Variants in NIPSNAP1 observed in about 807,000 individuals in gnomAD.
The protein encoded by NIPSNAP1 is protein NipSnap homolog 1.
A neutral mutation model predicts 49.2 loss-of-function variants in NIPSNAP1; 25 were observed. That is an observed-to-expected ratio of 0.51 (90% confidence interval 0.37 to 0.71). NIPSNAP1 has a LOEUF of 0.71. Ranked by LOEUF, NIPSNAP1 falls within the 30% of genes least tolerant of loss-of-function variation. The probability of loss-of-function intolerance (pLI) is 0.00; values close to 1 mark genes in which losing one functional copy is unlikely to be tolerated. For missense variants in NIPSNAP1, 294 were observed against 361.0 expected, an observed-to-expected ratio of 0.81 and a Z score of 1.50; for synonymous variants, 143 against 140.7, an observed-to-expected ratio of 1.02 and a Z score of -0.12.
At chr22:29,579,542 G>T (rs1326740466) in intron 1 of NIPSNAP1, among the ~76,000 whole-genome samples, 2 of 151,912 alleles carry the variant, frequency 1.3e-5, no homozygotes, top group South Asian at 4.2e-4. Context: ...GTGATCCACC[G>T]CCTCGGCCTC....
chr22:29,561,527 C>G lies in NIPSNAP1; in HGVS notation c.558G>C (p.Glu186Asp). 6.2e-7 allele frequency: 1 copy of G among 1,614,102 alleles called. No homozygotes were observed. Among genetic ancestry groups the G allele is most frequent in the Non-Finnish European group, 8.5e-7 (1 of 1,180,014 alleles). The change falls in exon 6 of 10, where the codon GAG (glutamate) becomes GAC (aspartate). Residue 186 changes from glutamate (E) to aspartate (D), a missense_variant. Glu to Asp is a conservative substitution (Grantham distance 45). Around this residue, in one of 4 missense-constraint regions of NIPSNAP1, gnomAD observed 146 missense variants for 219.9 expected, o/e 0.66. Coordinates refer to ENST00000216121, the MANE Select transcript of NIPSNAP1 (RefSeq NM_003634.4). ...GCACCTTGAGCTTGTATGTCCTCAGCTCATAGATGTTGGGACCCATTCTGG... is the reference window on the plus strand; with the variant it reads ...GCACCTTGAGCTTGTATGTCCTCAGGTCATAGATGTTGGGACCCATTCTGG... ...PQPRMGPNIY[E>D]LRTYKLKPGT...
intron 1 of NIPSNAP1, among the ~76,000 whole-genome samples, chr22:29,572,099 T>G (rs2064412362): frequency 6.6e-6 from 1 of 151,716 alleles, no homozygotes; most frequent in Admixed American, 6.6e-5. Context: ...GGTCAGGAGT[T>G]CGAGACCAGC....
At chr22:29,559,441 G>A (rs1569244907) in intron 8 of NIPSNAP1, among the ~76,000 whole-genome samples, 1 of 152,050 alleles carries the variant, frequency 6.6e-6, no homozygotes, top group Non-Finnish European at 1.5e-5. Flanking sequence ...GGAGCGTGAG[G>A]CACGAGAATC....
At chr22:29,571,860 C>T (rs1013252053) in intron 1 of NIPSNAP1, among the ~76,000 whole-genome samples, 5 of 151,946 alleles carry the variant, frequency 3.3e-5, no homozygotes, top group African/African-American at 9.7e-5. Context: ...ACTGCAACCT[C>T]GGCCTCCCGG....
rs549799812 is a variant in NIPSNAP1 at position 29,574,696 on chromosome 22, T to C, written c.99-4164A>G. On this transcript the variant is annotated intron_variant, in intron 1 of 9. Transcript: ENST00000216121. ...CGGGAGGCTGAGGCAGGAGAATCAC[T>C]TGAACCCGGGAGGCGGAGGTTGCAG... is the stretch of plus-strand genomic sequence containing the variant. 5.3e-4 allele frequency among the ~76,000 whole-genome samples: 80 copies of C among 151,264 alleles called. 1 individual carries two copies. The highest frequency in any genetic ancestry group is 1.1e-3 in the Non-Finnish European group (75 of 67,954).
intron 9 of NIPSNAP1, among the ~76,000 whole-genome samples, chr22:29,558,016 A>T (rs2064308059): frequency 2.0e-5 from 3 of 152,166 alleles, no homozygotes. Context: ...TGATCCCAGC[A>T]CTTTGGAAGG....
At chr22:29,559,628 G>A (rs1601487351) in intron 8 of NIPSNAP1, among the ~76,000 whole-genome samples, 1 of 151,948 alleles carries the variant, frequency 6.6e-6, no homozygotes. Context: ...CCAGACTCAG[G>A]AGATGACACA....
At chr22:29,570,785 C>A (rs541318051) in intron 1 of NIPSNAP1, among the ~76,000 whole-genome samples, 30 of 152,256 alleles carry the variant, frequency 2.0e-4, no homozygotes, top group Admixed American at 3.3e-4. Context: ...CCACCTCCCA[C>A]TTCTCTCTCT....
intron 1 of NIPSNAP1, among the ~76,000 whole-genome samples, chr22:29,574,105 A>G (rs1320192470): frequency 4.6e-5 from 7 of 151,226 alleles, no homozygotes; most frequent in Non-Finnish European, 7.4e-5. Context: ...AAAAAAAGAT[A>G]CAAAATATTA....
intron 1 of NIPSNAP1, among the ~76,000 whole-genome samples, chr22:29,571,765 CTTTT>C (rs1341434461): frequency 7.0e-6 from 1 of 142,944 alleles, no homozygotes; most frequent in Non-Finnish European, 1.6e-5. Flanking sequence ...CCTATCCTTT[CTTTT>C]CTTTTTTTCT....
At chr22:29,579,573 G>C (rs1024472421) in intron 1 of NIPSNAP1, among the ~76,000 whole-genome samples, 2 of 152,304 alleles carry the variant, frequency 1.3e-5, no homozygotes, top group East Asian at 3.9e-4. Flanking sequence ...GGGATTACAG[G>C]CGTGAGCCAC....
intron 4 of NIPSNAP1, among the ~76,000 whole-genome samples, chr22:29,566,384 T>C (rs1256391529): frequency 6.6e-6 from 1 of 152,042 alleles, no homozygotes; most frequent in Non-Finnish European, 1.5e-5. Flanking sequence ...ATAGGTGTGA[T>C]GGTATTCAAT....
At chr22:29,558,440 C>A (rs905969089) in intron 9 of NIPSNAP1, among the ~76,000 whole-genome samples, 3 of 151,812 alleles carry the variant, frequency 2.0e-5, no homozygotes, top group Non-Finnish European at 4.4e-5. Flanking sequence ...CTGCACTCCA[C>A]CCTGGGTGAC....
chr22:29,570,228 CAAG>C (rs761575849), intron 2 of NIPSNAP1, 21 bp from the exon 3 acceptor site: 56 of 1,613,664 alleles, frequency 3.5e-5, no homozygotes, highest in East Asian at 2.2e-5. Flanking sequence ...GGACAGAGAA[CAAG>C]AAGTGAGGTA....
chr22:29,576,260 TC>T (rs2064451701), intron 1 of NIPSNAP1, among the ~76,000 whole-genome samples: 1 of 151,050 alleles, frequency 6.6e-6, no homozygotes, highest in African/African-American at 2.5e-5. Flanking sequence ...CCTCAAGTGA[TC>T]TGCCTGACTT....
chr22:29,572,492 G>A (rs1378209783), intron 1 of NIPSNAP1, among the ~76,000 whole-genome samples: 1 of 151,226 alleles, frequency 6.6e-6, no homozygotes, highest in Non-Finnish European at 1.5e-5. Flanking sequence ...ATCAGCCTGG[G>A]CAACAAAATG....
chr22:29,555,731 G>A lies in NIPSNAP1; in HGVS notation c.*204C>T, dbSNP rs368093830. On this transcript the variant is annotated 3_prime_UTR_variant, in exon 10 of 10. Transcript: ENST00000216121. ...AACTACTTCTAGCAGGGGGAGGGAG[G>A]CAGGCAGGGAAAGTAGAAAGGGCCT... 2.9e-4 allele frequency: 172 copies of A among 595,464 alleles called. 4 individuals are homozygous for A. The East Asian group carries it at 4.2e-3, about 15-fold the overall frequency. 36.9% of individuals were successfully genotyped at this position (595,464 alleles called of 1,614,324 possible).
In NIPSNAP1 at chr22:29,555,790, T is replaced by C; in HGVS notation, c.*145A>G. On this transcript the variant is annotated 3_prime_UTR_variant, in exon 10 of 10. Coordinates refer to ENST00000216121, the MANE Select transcript of NIPSNAP1 (RefSeq NM_003634.4). ...CTGTAATCCTCAGAACTTGTCAGCC[T>C]TCAGTTCCCCCTTGTCTGAACTGAG... 1.3e-6 allele frequency: 1 copy of C among 757,648 alleles called. No individual in the cohort carries two copies. Among genetic ancestry groups the C allele is most frequent in the Non-Finnish European group, 2.3e-6 (1 of 426,910 alleles). The allele number at this position is 757,648 out of a possible 1,614,324, so 46.9% of individuals were successfully genotyped here.
Position 29,555,117 on chromosome 22 carries a change from TAAG to T in NIPSNAP1, c.*815_*817del, listed in dbSNP as rs1443659336. 6.6e-6 allele frequency: 1 copy of T among 152,458 alleles called. No homozygotes were observed. The highest frequency in any genetic ancestry group is 2.4e-5 in the African/African-American group (1 of 41,440). The allele number at this position is 152,458 out of a possible 1,614,324, so 9.4% of individuals were successfully genotyped here. A position where few individuals can be genotyped will look rare whatever the true frequency, so the allele number is the denominator to read the frequency against. On this transcript the variant is annotated 3_prime_UTR_variant, in exon 10 of 10. Coordinates refer to ENST00000216121, the MANE Select transcript of NIPSNAP1 (RefSeq NM_003634.4). ...CATAGAAGGACTGGAACTACACATT[TAAG>T]TTTTCAACCCCAATATGCAGGGGGA...
Sources: allele counts gnomAD v4.1 joint callset (sites outside exome capture counted in the v4.1 genomes callset), GRCh38; gene constraint gnomAD v4.1.1; regional missense constraint gnomAD v4.1.1; transcripts MANE v1.5; gene names NCBI Gene and HGNC (gene_info 2026-07-23, HGNC 2026-07-21).